GTF2IRD1: variants seen among roughly 807,000 people sequenced by gnomAD.
GTF2IRD1 encodes GTF2I repeat domain containing 1.
In GTF2IRD1, 26 loss-of-function variants were observed where a neutral mutation model predicts 113.2. The observed-to-expected ratio is 0.23, with a 90% CI of 0.17 to 0.32. The LOEUF is 0.32. Ranked by LOEUF, GTF2IRD1 falls within the 10% of genes least tolerant of loss-of-function variation. The pLI, the probability that GTF2IRD1 is intolerant of heterozygous loss-of-function variation, is 1.00. For missense variants in GTF2IRD1, 864 were observed against 1,280.8 expected (o/e 0.67, Z 4.97); for synonymous variants, 484 against 529.1 (o/e 0.91, Z 1.17).
chr7:74,577,730 C>T (rs1306225146), intron 22 of GTF2IRD1, among the ~76,000 whole-genome samples: 1 of 151,986 alleles, frequency 6.6e-6, no homozygotes, highest in African/African-American at 2.4e-5. Context: ...TAGCTTACTG[C>T]AGCCTGGACC....
chr7:74,598,842 A>T (rs1375868703), intron 25 of GTF2IRD1, among the ~76,000 whole-genome samples: 1 of 151,948 alleles, frequency 6.6e-6, no homozygotes, highest in Non-Finnish European at 1.5e-5. Flanking sequence ...CTCCCACAAA[A>T]ATCCCTCTGA....
intron 1 of GTF2IRD1, among the ~76,000 whole-genome samples, chr7:74,461,725 C>T (rs1554329316): frequency 6.6e-6 from 1 of 152,088 alleles, no homozygotes. Context: ...ATTATGGGTG[C>T]ATGCCACCTC....
At position 74,515,627 on chromosome 7, in the gene GTF2IRD1, C is replaced by T. The variant is rs373835523; in HGVS notation, c.421+31C>T. On this transcript the variant is annotated intron_variant, in intron 4 of 26. Coordinates refer to ENST00000424337, the MANE Select transcript of GTF2IRD1 (RefSeq NM_005685.4). The stretch of plus-strand genomic sequence containing the variant: ...ATCCTTCCTCATTCCATTTGGGGGC[C>T]CCAGGGAGGGTGGGAGCCTCGGTCC... 36 of 1,585,296 alleles carry T rather than the reference C, an allele frequency of 2.3e-5. No individual in the cohort carries two copies. In the African/African-American group the frequency reaches 4.7e-4, roughly 21 times the overall value.
Position 74,530,286 on chromosome 7 carries a change from A to C in GTF2IRD1, c.1274+369A>C, listed in dbSNP as rs1276354031. Reference sequence around the variant, plus strand: ...TGGCTTGGGCTCCGGGTTTTGGGGCATGTGGGCTAAGCAGGGGCCTGGGGA... The same window carrying C: ...TGGCTTGGGCTCCGGGTTTTGGGGCCTGTGGGCTAAGCAGGGGCCTGGGGA... On this transcript the variant is annotated intron_variant, in intron 9 of 26. Transcript: ENST00000424337. Among the ~76,000 whole-genome samples, 2 of 152,014 alleles carry C rather than the reference A, an allele frequency of 1.3e-5. 1 individual carries two copies. The highest frequency in any genetic ancestry group is 3.9e-4 in the East Asian group (2 of 5,184).
intron 9 of GTF2IRD1, among the ~76,000 whole-genome samples, chr7:74,530,822 C>A (rs1479230734): frequency 1.3e-5 from 2 of 152,120 alleles, no homozygotes; most frequent in Non-Finnish European, 2.9e-5. Context: ...CGTCCTTGGG[C>A]AAGTTACTTA....
chr7:74,473,951 C>T (rs969064943), intron 1 of GTF2IRD1, among the ~76,000 whole-genome samples: 6 of 151,206 alleles, frequency 4.0e-5, no homozygotes, highest in Admixed American at 1.3e-4. Context: ...AGGCTGGGCG[C>T]AGTGGCTCAC....
intron 20 of GTF2IRD1, among the ~76,000 whole-genome samples, 191 bp from the exon 21 acceptor site, chr7:74,558,670 T>C (rs1272594660): frequency 6.6e-6 from 1 of 152,124 alleles, no homozygotes; most frequent in Non-Finnish European, 1.5e-5. Context: ...TGGCCTTTTT[T>C]TTATGTTCTG....
At chr7:74,478,136 G>A (rs6963457) in intron 1 of GTF2IRD1, among the ~76,000 whole-genome samples, 4,394 of 152,284 alleles carry the variant, frequency 0.029, 106 homozygotes, top group East Asian at 0.065. Flanking sequence ...CCAAATGCCC[G>A]GGTTCCCTGA....
intron 26 of GTF2IRD1, 39 bp from the exon 27 acceptor site, chr7:74,602,326 C>A: frequency 6.2e-7 from 1 of 1,603,532 alleles, no homozygotes; most frequent in Non-Finnish European, 8.5e-7. Context: ...TTCCGCATCA[C>A]CTGGAGTCCT....
intron 5 of GTF2IRD1, 22 bp from the exon 6 acceptor site, chr7:74,519,387 A>G: frequency 2.0e-6 from 3 of 1,488,962 alleles, no homozygotes; most frequent in Non-Finnish European, 2.7e-6. Flanking sequence ...AAAGCTGTCC[A>G]TGTGTCCTCT....
chr7:74,466,417 G>C (rs1793713062), intron 1 of GTF2IRD1, among the ~76,000 whole-genome samples: 2 of 152,128 alleles, frequency 1.3e-5, no homozygotes, highest in Non-Finnish European at 2.9e-5. Context: ...CTCCCAGGCA[G>C]CTCAGGGGTT....
Position 74,500,423 on chromosome 7 carries a change from T to TA in GTF2IRD1, c.-6-7637dup, listed in dbSNP as rs74272932. On this transcript the variant is annotated intron_variant, in intron 1 of 26. Coordinates refer to ENST00000424337, the MANE Select transcript of GTF2IRD1 (RefSeq NM_005685.4). The stretch of plus-strand genomic sequence containing the variant: ...CATAGTGAGACCCTATCTGTTTTGT[T>TA]AAAAAAAAAAAAAAAGAAAAAAAAT... Among the ~76,000 whole-genome samples, 597 of 136,714 alleles carry TA rather than the reference T, an allele frequency of 4.4e-3. 3 individuals carry two copies. The highest frequency in any genetic ancestry group is 6.6e-3 in the Admixed American group (89 of 13,522). 89.7% of individuals were successfully genotyped at this position (136,714 alleles called of 152,430 possible). A position where few individuals can be genotyped will look rare whatever the true frequency, so the allele number is the denominator to read the frequency against.
intron 1 of GTF2IRD1, among the ~76,000 whole-genome samples, chr7:74,500,642 G>T (rs1014294551): frequency 6.6e-6 from 1 of 152,164 alleles, no homozygotes; most frequent in African/African-American, 2.4e-5. Context: ...TGCATCACGT[G>T]TGTGGTCTTT....
At chr7:74,599,408 C>T (rs782405668) in intron 25 of GTF2IRD1, among the ~76,000 whole-genome samples, 7 of 152,202 alleles carry the variant, frequency 4.6e-5, no homozygotes, top group Non-Finnish European at 7.3e-5. Flanking sequence ...CACCTGCTGA[C>T]CCCTCCTCCG....
chr7:74,458,649 C>T (rs1793154690), intron 1 of GTF2IRD1, among the ~76,000 whole-genome samples: 1 of 122,002 alleles, frequency 8.2e-6, no homozygotes. Context: ...TGGTCCATCA[C>T]CCCCCTTTCT....
chr7:74,508,715 C>T (rs1796445119), intron 2 of GTF2IRD1, among the ~76,000 whole-genome samples: 1 of 146,818 alleles, frequency 6.8e-6, no homozygotes. Flanking sequence ...AAAAATCTAG[C>T]CCTGGAATAA....
chr7:74,542,801 G>A (rs1798705480), intron 14 of GTF2IRD1, among the ~76,000 whole-genome samples: 1 of 152,242 alleles, frequency 6.6e-6, no homozygotes, highest in South Asian at 2.1e-4. Context: ...CACCATAGAA[G>A]CCTCCATGCA....
chr7:74,454,275 C>T (rs2116815567), intron 1 of GTF2IRD1, 99 bp downstream of exon 1: 1 of 151,580 alleles, frequency 6.6e-6, no homozygotes, highest in South Asian at 2.1e-4. Context: ...GGGGGGTCCC[C>T]GCCCCTCCCC....
intron 1 of GTF2IRD1, among the ~76,000 whole-genome samples, chr7:74,496,522 T>C (rs535089748): frequency 8.2e-5 from 12 of 146,744 alleles, no homozygotes; most frequent in African/African-American, 2.6e-4. Context: ...TGTGCGTGTG[T>C]GGGTGTGCAT....
Sources: gnomAD v4.1 joint callset for allele counts (sites outside exome capture counted in the v4.1 genomes callset) on GRCh38, gnomAD v4.1.1 for gene constraint, MANE v1.5 for transcripts, NCBI Gene and HGNC (gene_info 2026-07-23, HGNC 2026-07-21) for gene names.